ATF7: variants seen among roughly 807,000 people sequenced by gnomAD.
The protein encoded by ATF7 is activating transcription factor 7.
In ATF7, 10 loss-of-function variants were observed where a neutral mutation model predicts 50.4. The ratio of observed to expected loss-of-function variants is 0.20; its 90% confidence interval spans 0.12 to 0.34. The LOEUF (loss-of-function observed/expected upper bound fraction) is 0.34. Ranked by LOEUF, ATF7 falls within the 10% of genes least tolerant of loss-of-function variation. The pLI, the probability that ATF7 is intolerant of heterozygous loss-of-function variation, is 1.00. For missense variants in ATF7, 465 were observed against 613.9 expected (o/e 0.76, Z 2.56); for synonymous variants, 201 against 226.4 (o/e 0.89, Z 1.01).
Position 53,572,278 on chromosome 12 carries a change from G to C in ATF7, c.49-19641C>G, listed in dbSNP as rs553615825. 9.5e-4 allele frequency among the ~76,000 whole-genome samples: 144 copies of C among 152,136 alleles called. 4 individuals carry two copies. In the South Asian group the frequency reaches 0.029, roughly 31 times the overall value. On this transcript the variant is annotated intron_variant, in intron 2 of 11. Coordinates refer to ENST00000420353, the MANE Select transcript of ATF7 (RefSeq NM_006856.3). ...ATCTATCAGAGAAGTGAGTTCACAG[G>C]GCAAACTGCTGTTCCCCAAATTGGC...
At chr12:53,582,156 T>A (rs1439878266) in intron 2 of ATF7, among the ~76,000 whole-genome samples, 2 of 151,408 alleles carry the variant, frequency 1.3e-5, no homozygotes, top group African/African-American at 2.4e-5. Flanking sequence ...CCATCTCTAC[T>A]AAATACAAAA....
At chr12:53,609,461 C>G (rs976799690) in intron 1 of ATF7, among the ~76,000 whole-genome samples, 11 of 95,710 alleles carry the variant, frequency 1.1e-4, no homozygotes, top group African/African-American at 4.1e-4. Context: ...GCCACGAGAC[C>G]CTGTTTCTTA....
At chr12:53,587,841 ATATTTTTTTTT>A (rs1942774777) in intron 2 of ATF7, among the ~76,000 whole-genome samples, 4 of 46,404 alleles carry the variant, frequency 8.6e-5, no homozygotes, top group Admixed American at 6.6e-4. Context: ...ATATATATAT[ATATTTTTTTTT>A]TTTTTTCTTT....
chr12:53,529,886 G>A (rs541026874), intron 9 of ATF7, among the ~76,000 whole-genome samples: 27 of 150,888 alleles, frequency 1.8e-4, no homozygotes, highest in Non-Finnish European at 2.8e-4. Context: ...GATTACAGGC[G>A]TGCGCCACCA....
intron 9 of ATF7, among the ~76,000 whole-genome samples, chr12:53,526,315 C>CCCTCCTCCT (rs376486763): frequency 2.3e-4 from 34 of 150,448 alleles, no homozygotes; most frequent in African/African-American, 8.3e-4. Flanking sequence ...CAAGACCAAG[C>CCCTCCTCCT]CCTCCTCCTC....
At position 53,513,262 on chromosome 12, in the gene ATF7, ATGG is replaced by A. The variant is rs1371945863; in HGVS notation, c.*3872_*3874del. The A allele has an allele frequency of 6.6e-6, 1 of 152,340 alleles. No homozygotes were observed. Among genetic ancestry groups the A allele is most frequent in the Non-Finnish European group, 1.5e-5 (1 of 68,038 alleles). The allele number at this position is 152,340 out of a possible 1,614,324, so 9.4% of individuals were successfully genotyped here. ...AACACAGCTGATGCAGACGGTGGTA[ATGG>A]TGGCCAGCAGCCACCTACGCTCATT... On this transcript the variant is annotated 3_prime_UTR_variant, in exon 12 of 12. Coordinates refer to ENST00000420353, the MANE Select transcript of ATF7 (RefSeq NM_006856.3).
At chr12:53,542,212 T>G (rs1939608385) in intron 4 of ATF7, among the ~76,000 whole-genome samples, 1 of 146,552 alleles carries the variant, frequency 6.8e-6, no homozygotes, top group East Asian at 2.1e-4. Flanking sequence ...GATCACGAGG[T>G]CAGGAGATCG....
At chr12:53,608,872 T>A (rs1484778995) in intron 1 of ATF7, among the ~76,000 whole-genome samples, 1 of 152,196 alleles carries the variant, frequency 6.6e-6, no homozygotes, top group African/African-American at 2.4e-5. Context: ...CTGCTCTGAT[T>A]TCCATTACAT....
chr12:53,560,461 T>C (rs1397814413), intron 2 of ATF7, among the ~76,000 whole-genome samples: 1 of 152,160 alleles, frequency 6.6e-6, no homozygotes, highest in African/African-American at 2.4e-5. Context: ...GGCTTTTGAC[T>C]CTGAGCCAGG....
Position 53,532,491 on chromosome 12 carries a change from C to T in ATF7, c.774+19G>A, listed in dbSNP as rs1202574673. ...TCTTTCAGAAAGGCCAACATTGCCC[C>T]AGACTGGGATGTACTCACCATCTTG... On this transcript the variant is annotated intron_variant, in intron 8 of 11. Transcript: ENST00000420353. 1 of 1,543,998 alleles carries T rather than the reference C, an allele frequency of 6.5e-7. No individual in the cohort carries two copies. Among genetic ancestry groups the T allele is most frequent in the Non-Finnish European group, 8.8e-7 (1 of 1,132,394 alleles).
chr12:53,553,627 T>C (rs554506432), intron 2 of ATF7, among the ~76,000 whole-genome samples: 1 of 152,002 alleles, frequency 6.6e-6, no homozygotes, highest in Admixed American at 6.6e-5. Context: ...TTCTCAAAAG[T>C]CCCTTTGAGG....
intron 9 of ATF7, among the ~76,000 whole-genome samples, chr12:53,526,381 TCCA>T (rs1417200471): frequency 6.6e-6 from 1 of 152,010 alleles, no homozygotes; most frequent in Non-Finnish European, 1.5e-5. Flanking sequence ...TTTATGATAC[TCCA>T]CTTCTATTTT....
intron 3 of ATF7, among the ~76,000 whole-genome samples, chr12:53,546,977 CTTTT>C (rs565759569): frequency 8.6e-6 from 1 of 116,430 alleles, no homozygotes; most frequent in African/African-American, 3.1e-5. Context: ...CAGGCTGGCT[CTTTT>C]TTTTTTTTTT....
In ATF7 at chr12:53,532,582, G is replaced by T; in HGVS notation, c.702C>A (p.Ile234=). The T allele has an allele frequency of 6.2e-7, 1 of 1,609,854 alleles. No individual in the cohort carries two copies. Among genetic ancestry groups the T allele is most frequent in the Non-Finnish European group, 8.5e-7 (1 of 1,178,338 alleles). Residue 234 remains isoleucine, a synonymous_variant, in exon 8 of 12, where the codon ATC becomes ATA. Transcript: ENST00000420353. ...PVSMVPNIPG[I]PGPPVNSSGS... ...CACTACTGTTAACTGGTGGGCCAGG[G>T]ATACCAGGAATGTTGGGCACCATGG... is the stretch of plus-strand genomic sequence containing the variant.
chr12:53,530,420 A>G (rs1285878014), intron 9 of ATF7, among the ~76,000 whole-genome samples: 1 of 152,178 alleles, frequency 6.6e-6, no homozygotes, highest in Non-Finnish European at 1.5e-5. Context: ...TACAGTTTCC[A>G]AAGAATCTTG....
chr12:53,554,135 ATTTATTTATC>A (rs1443775921), intron 2 of ATF7, among the ~76,000 whole-genome samples: 1 of 151,886 alleles, frequency 6.6e-6, no homozygotes, highest in Non-Finnish European at 1.5e-5. Flanking sequence ...ATTTTTATTT[ATTTATTTATC>A]TTTGAGACGG....
In ATF7 at chr12:53,516,049, A is replaced by C. The variant is rs1937681850; in HGVS notation, c.*1088T>G. 1 of 152,342 alleles carries C rather than the reference A, an allele frequency of 6.6e-6. No homozygotes were observed. The highest frequency in any genetic ancestry group is 2.4e-5 in the African/African-American group (1 of 41,568). 9.4% of individuals were successfully genotyped at this position (152,342 alleles called of 1,614,324 possible). ...ACAGCCTCCAGGAGGGCTGAGTCTGAAGTAGTTACAGAAGAGAGACAGGGG... is the reference window on the plus strand; with the variant it reads ...ACAGCCTCCAGGAGGGCTGAGTCTGCAGTAGTTACAGAAGAGAGACAGGGG... On this transcript the variant is annotated 3_prime_UTR_variant, in exon 12 of 12. Coordinates refer to ENST00000420353, the MANE Select transcript of ATF7 (RefSeq NM_006856.3).
At chr12:53,605,692 A>C (rs1421349132) in intron 1 of ATF7, among the ~76,000 whole-genome samples, 1 of 152,142 alleles carries the variant, frequency 6.6e-6, no homozygotes, top group East Asian at 1.9e-4. Flanking sequence ...GGAAAATGAA[A>C]TTGTGATGTG....
chr12:53,591,344 C>T (rs1429692986), intron 2 of ATF7, among the ~76,000 whole-genome samples: 1 of 151,982 alleles, frequency 6.6e-6, no homozygotes, highest in African/African-American at 2.4e-5. Flanking sequence ...AACTAAAGGA[C>T]AATAACTAAA....
Sources: gnomAD v4.1 joint callset for allele counts (sites outside exome capture counted in the v4.1 genomes callset) on GRCh38, gnomAD v4.1.1 for gene constraint, MANE v1.5 for transcripts, NCBI Gene and HGNC (gene_info 2026-07-23, HGNC 2026-07-21) for gene names.